The following CTNNA3 variants were observed in gnomAD, a reference collection of about 807,000 sequenced individuals.
CTNNA3 encodes the protein catenin alpha 3, also known as catenin alpha-3.
A neutral mutation model predicts 95.7 loss-of-function variants in CTNNA3; 76 were observed. The observed-to-expected ratio is 0.79, with a 90% CI of 0.66 to 0.96. The LOEUF is 0.96. CTNNA3 is among the 40% of genes least tolerant of loss of function. CTNNA3 has a pLI of 0.00. For missense variants in CTNNA3, 1,191 were observed against 1,089.8 expected, an observed-to-expected ratio of 1.09 and a Z score of -1.31; for synonymous variants, 431 against 374.4, an observed-to-expected ratio of 1.15 and a Z score of -1.74.
chr10:67,735,550 G>C (rs1841298083), intron 1 of CTNNA3, among the ~76,000 whole-genome samples: 1 of 151,964 alleles, frequency 6.6e-6, no homozygotes, highest in Admixed American at 6.6e-5. Context: ...CATAAAAAGA[G>C]TTCAACATCA....
At chr10:66,087,725 G>A (rs2081043997) in intron 14 of CTNNA3, among the ~76,000 whole-genome samples, 1 of 152,028 alleles carries the variant, frequency 6.6e-6, no homozygotes, top group Non-Finnish European at 1.5e-5. Context: ...CAATCAATTA[G>A]AACTAGCCTG....
intron 11 of CTNNA3, among the ~76,000 whole-genome samples, chr10:66,452,845 C>A (rs1195007761): frequency 6.6e-6 from 1 of 151,966 alleles, no homozygotes; most frequent in Non-Finnish European, 1.5e-5. Context: ...GCTTTGACTG[C>A]CTATAATTTC....
chr10:66,921,636 A>G (rs1846791275), intron 7 of CTNNA3, among the ~76,000 whole-genome samples: 1 of 152,168 alleles, frequency 6.6e-6, no homozygotes, highest in Non-Finnish European at 1.5e-5. Context: ...TCACAAGCTC[A>G]TATCCTTCAA....
intron 11 of CTNNA3, among the ~76,000 whole-genome samples, chr10:66,437,563 T>G (rs537701048): frequency 6.6e-6 from 1 of 152,250 alleles, no homozygotes; most frequent in East Asian, 1.9e-4. Context: ...TTCTCTAAAC[T>G]GCTTATTCCA....
intron 9 of CTNNA3, among the ~76,000 whole-genome samples, chr10:66,650,954 C>T (rs4745906): frequency 6.6e-6 from 1 of 152,002 alleles, no homozygotes; most frequent in South Asian, 2.1e-4. Context: ...CGGGCAGCCT[C>T]CTTTTATTCC....
At chr10:66,726,489 G>A (rs1342242597) in intron 9 of CTNNA3, among the ~76,000 whole-genome samples, 1 of 152,060 alleles carries the variant, frequency 6.6e-6, no homozygotes, top group Admixed American at 6.6e-5. Context: ...CAGTTGGCTA[G>A]TCTGGCCAAT....
intron 9 of CTNNA3, among the ~76,000 whole-genome samples, chr10:66,686,585 C>CCT (rs1271159320): frequency 6.6e-6 from 1 of 152,144 alleles, no homozygotes; most frequent in Non-Finnish European, 1.5e-5. Flanking sequence ...TTTGATCAGG[C>CCT]TATAGGCCTC....
intron 1 of CTNNA3, among the ~76,000 whole-genome samples, chr10:67,654,547 G>A (rs973500361): frequency 4.7e-4 from 71 of 150,932 alleles, no homozygotes; most frequent in African/African-American, 1.5e-3. Flanking sequence ...TGCCAGTGGC[G>A]TGATCACAGC....
intron 13 of CTNNA3, among the ~76,000 whole-genome samples, chr10:66,247,590 T>G (rs2090388011): frequency 6.6e-6 from 1 of 152,146 alleles, no homozygotes; most frequent in South Asian, 2.1e-4. Context: ...GGATCATAAA[T>G]GCAGCAAGAG....
chr10:67,293,325 G>T (rs1406171865), intron 5 of CTNNA3, among the ~76,000 whole-genome samples: 1 of 152,078 alleles, frequency 6.6e-6, no homozygotes, highest in Non-Finnish European at 1.5e-5. Flanking sequence ...GTCCATCCAT[G>T]AATGTCAATT....
rs558604532 is a variant in CTNNA3 at position 67,313,601 on chromosome 10, TG to T, written c.580-93732del. 1.0e-3 allele frequency among the ~76,000 whole-genome samples: 155 copies of T among 152,234 alleles called. 1 individual carries two copies. Among genetic ancestry groups the T allele is most frequent in the South Asian group, 6.6e-3 (32 of 4,826 alleles). ...AATAGGATTGATATTATGTAATTTG[TG>T]CTAGAGAAAAATCACTTTTGTGGCA... On this transcript the variant is annotated intron_variant, in intron 5 of 17. Transcript: ENST00000433211.
At chr10:66,544,449 C>T (rs1050969662) in intron 10 of CTNNA3, among the ~76,000 whole-genome samples, 1 of 152,044 alleles carries the variant, frequency 6.6e-6, no homozygotes, top group Non-Finnish European at 1.5e-5. Context: ...TTCCTATTAC[C>T]ATCGTTTGAT....
intron 13 of CTNNA3, among the ~76,000 whole-genome samples, chr10:66,255,620 T>A (rs966683005): frequency 6.6e-5 from 10 of 152,240 alleles, no homozygotes; most frequent in Admixed American, 3.3e-4. Context: ...ATCTGCTTCA[T>A]CCCCCAATCA....
At chr10:66,538,611 T>G (rs1841738609) in intron 10 of CTNNA3, among the ~76,000 whole-genome samples, 1 of 152,150 alleles carries the variant, frequency 6.6e-6, no homozygotes, top group Admixed American at 6.5e-5. Flanking sequence ...ATCAGGCATT[T>G]GAGACTTTAC....
chr10:67,316,645 T>C (rs561463377), intron 5 of CTNNA3, among the ~76,000 whole-genome samples: 2 of 152,262 alleles, frequency 1.3e-5, no homozygotes, highest in East Asian at 1.9e-4. Flanking sequence ...CATTGCATCA[T>C]TGGTTGAGAT....
At chr10:67,382,352 T>C (rs1843978593) in intron 5 of CTNNA3, among the ~76,000 whole-genome samples, 1 of 152,204 alleles carries the variant, frequency 6.6e-6, no homozygotes, top group Non-Finnish European at 1.5e-5. Flanking sequence ...TTTTTATCAA[T>C]TTATAATTTA....
At chr10:66,105,721 A>G (rs1265767101) in intron 13 of CTNNA3, among the ~76,000 whole-genome samples, 1 of 152,302 alleles carries the variant, frequency 6.6e-6, no homozygotes. Flanking sequence ...AGCTACAAAA[A>G]CTGACCTCTT....
At chr10:67,419,996 T>A (rs1287480187) in intron 5 of CTNNA3, among the ~76,000 whole-genome samples, 1 of 152,078 alleles carries the variant, frequency 6.6e-6, no homozygotes, top group East Asian at 1.9e-4. Flanking sequence ...GGACTATAGG[T>A]GCCCACCACC....
At chr10:66,928,060 C>A (rs774772603) in intron 7 of CTNNA3, 3 of 1,614,074 alleles carry the variant, frequency 1.9e-6, no homozygotes, top group Non-Finnish European at 2.5e-6. Flanking sequence ...GACGTTTAAG[C>A]CCAAGCTCCC....
Sources: gnomAD v4.1 joint callset for allele counts (sites outside exome capture counted in the v4.1 genomes callset) on GRCh38, gnomAD v4.1.1 for gene constraint, MANE v1.5 for transcripts, NCBI Gene and HGNC (gene_info 2026-07-23, HGNC 2026-07-21) for gene names.